The following CCK variants were observed in gnomAD, a reference collection of about 807,000 sequenced individuals.
The protein encoded by CCK is cholecystokinin triacontatriapeptide.
A neutral mutation model predicts 10.1 loss-of-function variants in CCK; 11 were observed. The observed-to-expected ratio is 1.09, with a 90% CI of 0.69 to 1.81. CCK has a LOEUF of 1.81. Ranked by LOEUF, CCK falls within the 40% of genes most tolerant of loss-of-function variation. The pLI, the probability that CCK is intolerant of heterozygous loss-of-function variation, is 0.00. For synonymous variants in CCK, 83 were observed against 71.9 expected, an observed-to-expected ratio of 1.15 and a Z score of -0.78; for missense variants, 137 against 159.9, an observed-to-expected ratio of 0.86 and a Z score of 0.77.
intron 4 of CCK, among the ~76,000 whole-genome samples, chr3:42,262,240 T>TTTA (rs1711226580): frequency 8.3e-6 from 1 of 119,878 alleles, no homozygotes; most frequent in South Asian, 2.9e-4. Context: ...TTTTTTTTTT[T>TTTA]AGACAGTTTC....
At chr3:42,263,659 G>A (rs1161629621) in intron 3 of CCK, 27 bp from the exon 4 acceptor site, 3 of 1,498,772 alleles carry the variant, frequency 2.0e-6, no homozygotes, top group African/African-American at 2.8e-5. Flanking sequence ...AGGAGGGCGC[G>A]TTAACTGAAA....
At chr3:42,262,479 C>T (rs181739799) in intron 4 of CCK, among the ~76,000 whole-genome samples, 1 of 152,150 alleles carries the variant, frequency 6.6e-6, no homozygotes, top group Non-Finnish European at 1.5e-5. Flanking sequence ...CTCAGCCCCC[C>T]AAAGTGCTGG....
rs189129947 is a variant in CCK, at chr3:42,260,116, C to T, written c.215-1885G>A. On this transcript the variant is annotated intron_variant, in intron 4 of 4. Transcript: ENST00000396169. Reference sequence around the variant, plus strand: ...TAAAAACAGAAACAACACAGAACAACGTCCCCACCCTTTCTCTCCCCAACC... The same window carrying T: ...TAAAAACAGAAACAACACAGAACAATGTCCCCACCCTTTCTCTCCCCAACC... 1.3e-3 allele frequency among the ~76,000 whole-genome samples: 202 copies of T among 152,302 alleles called. 3 individuals carry two copies. Among genetic ancestry groups the T allele is most frequent in the Non-Finnish European group, 5.6e-4 (38 of 68,026 alleles).
At position 42,264,686 on chromosome 3, in the gene CCK, G is replaced by C. The variant is rs770624588; in HGVS notation, c.-3+11C>G. 6.6e-6 allele frequency: 1 copy of C among 152,252 alleles called. No individual in the cohort carries two copies. Among genetic ancestry groups the C allele is most frequent in the Non-Finnish European group, 1.5e-5 (1 of 68,074 alleles). The allele number at this position is 152,252 out of a possible 1,614,324, so 9.4% of individuals were successfully genotyped here. A position where few individuals can be genotyped will look rare whatever the true frequency, so the allele number is the denominator to read the frequency against. ...CACTTGGATCCCCCGCTGACGAACCGAGGGACCTACCTTTTGGATTAGGAC... is the reference window on the plus strand; with the variant it reads ...CACTTGGATCCCCCGCTGACGAACCCAGGGACCTACCTTTTGGATTAGGAC... On this transcript the variant is annotated intron_variant, in intron 3 of 4. Transcript: ENST00000396169.
At chr3:42,265,488 G>A (rs1032440730) in intron 1 of CCK, 51 bp from the exon 2 acceptor site, 1 of 152,172 alleles carries the variant, frequency 6.6e-6, no homozygotes, top group Non-Finnish European at 1.5e-5. Flanking sequence ...AATCCGGTTT[G>A]GGAAAGGGAT....
chr3:42,265,814 G>C lies in CCK; in HGVS notation c.-513C>G, dbSNP rs1338841159. The C allele has an allele frequency of 1.3e-5, 2 of 152,274 alleles. No homozygotes were observed. The highest frequency in any genetic ancestry group is 2.9e-5 in the Non-Finnish European group (2 of 68,094). 9.4% of individuals were successfully genotyped at this position (152,274 alleles called of 1,614,324 possible). A position where few individuals can be genotyped will look rare whatever the true frequency, so the allele number is the denominator to read the frequency against. ...TGCACGCGGTTACTCTCCCGGCTCC[G>C]GAGCGGGCCGACCTGGAGCCCCTCA... is the stretch of plus-strand genomic sequence containing the variant. On this transcript the variant is annotated 5_prime_UTR_variant, in exon 1 of 5. Coordinates refer to ENST00000396169, the MANE Select transcript of CCK (RefSeq NM_000729.6).
intron 4 of CCK, among the ~76,000 whole-genome samples, chr3:42,258,709 A>T (rs1037736792): frequency 6.6e-6 from 1 of 152,130 alleles, no homozygotes; most frequent in Non-Finnish European, 1.5e-5. Context: ...AGGTGGCACA[A>T]TTATAATATC....
chr3:42,265,671 C>T lies in CCK; in HGVS notation c.-383+13G>A, dbSNP rs186434008. 611 of 152,518 alleles carry T rather than the reference C, an allele frequency of 4.0e-3. 4 individuals are homozygous for T. Among genetic ancestry groups the T allele is most frequent in the Middle Eastern group, 0.03 (9 of 296 alleles). The allele number at this position is 152,518 out of a possible 1,614,324, so 9.4% of individuals were successfully genotyped here. A position where few individuals can be genotyped will look rare whatever the true frequency, so the allele number is the denominator to read the frequency against. ...TCCTGAGGGCCCACACACTCACACC[C>T]CCAGGACAGTACCTTCCAGAACTCA... is the stretch of plus-strand genomic sequence containing the variant. On this transcript the variant is annotated intron_variant, in intron 1 of 4. Coordinates refer to ENST00000396169, the MANE Select transcript of CCK (RefSeq NM_000729.6).
intron 4 of CCK, among the ~76,000 whole-genome samples, chr3:42,259,240 T>C (rs2149570445): frequency 6.6e-6 from 1 of 152,168 alleles, no homozygotes; most frequent in South Asian, 2.1e-4. Context: ...TTAGGGGAAA[T>C]ACCTAATGTA....
chr3:42,259,565 G>T (rs932849871), intron 4 of CCK, among the ~76,000 whole-genome samples: 1 of 152,122 alleles, frequency 6.6e-6, no homozygotes, highest in Admixed American at 6.5e-5. Context: ...TCAAAGAAGG[G>T]GGGGAGAGAG....
At position 42,263,415 on chromosome 3, in the gene CCK, A is replaced by T. The variant is rs780757604; in HGVS notation, c.214+2T>A. ...TGAGGGATGGGGAGGCAGCATTCTTACCTTTCCGGGCCTGCTGGATGTATC... is the reference window on the plus strand; with the variant it reads ...TGAGGGATGGGGAGGCAGCATTCTTTCCTTTCCGGGCCTGCTGGATGTATC... On this transcript the variant is annotated splice_donor_variant, in intron 4 of 4. Transcript: ENST00000396169. LOFTEE classifies it high-confidence loss of function. The T allele has an allele frequency of 6.2e-7, 1 of 1,614,042 alleles. No homozygotes were observed. The highest frequency in any genetic ancestry group is 2.2e-5 in the East Asian group (1 of 44,860).
intron 4 of CCK, 144 bp from the exon 5 acceptor site, chr3:42,258,375 GA>G (rs1711168092): frequency 2.5e-6 from 2 of 790,470 alleles, no homozygotes; most frequent in Non-Finnish European, 3.9e-6. Context: ...CAAAGTAGTG[GA>G]ACTGATGGAC....
chr3:42,261,113 C>G lies in CCK; in HGVS notation c.214+2304G>C, dbSNP rs373030504. On this transcript the variant is annotated intron_variant, in intron 4 of 4. Coordinates refer to ENST00000396169, the MANE Select transcript of CCK (RefSeq NM_000729.6). The stretch of plus-strand genomic sequence containing the variant: ...GCGCACACTAAATGCCTCTAGATAT[C>G]TTTACCCACTGCCCTCCAATAGAAT... Among the ~76,000 whole-genome samples the G allele has an allele frequency of 1.1e-4, 16 of 152,292 alleles. No individual in the cohort carries two copies. In the East Asian group the frequency reaches 1.4e-3, roughly 13 times the overall value.
At position 42,263,453 on chromosome 3, in the gene CCK, C is replaced by T; in HGVS notation, c.178G>A (p.Ala60Thr). The part of the protein sequence containing the change: ...TDGESRAHLG[A>T]LLARYIQQAR... Reference sequence around the variant, plus strand: ...TGCTGGATGTATCTTGCCAGCAGGGCGCCCAGGTGCGCTCGGGACTCGCCA... The same window carrying T: ...TGCTGGATGTATCTTGCCAGCAGGGTGCCCAGGTGCGCTCGGGACTCGCCA... Residue 60 changes from alanine to threonine, a missense_variant, in exon 4 of 5, where the codon GCC becomes ACC. Coordinates refer to ENST00000396169, the MANE Select transcript of CCK (RefSeq NM_000729.6). 1 of 1,614,144 alleles carries T rather than the reference C, an allele frequency of 6.2e-7. No homozygotes were observed.
At chr3:42,263,006 A>T (rs1711237446) in intron 4 of CCK, 3 of 305,058 alleles carry the variant, frequency 9.8e-6, no homozygotes, top group Non-Finnish European at 1.9e-5. Flanking sequence ...TTGTAGCCAG[A>T]TCTCAGGCAT....
chr3:42,261,057 T>C (rs1711203480), intron 4 of CCK, among the ~76,000 whole-genome samples: 1 of 152,184 alleles, frequency 6.6e-6, no homozygotes. Context: ...AATATAGATG[T>C]AGCATTGAAG....
intron 4 of CCK, among the ~76,000 whole-genome samples, chr3:42,261,608 C>CT (rs3073696): frequency 0.29 from 42,849 of 145,520 alleles, 7,402 homozygotes; most frequent in Non-Finnish European, 0.41. Flanking sequence ...TGGTAATGAG[C>CT]TTTTTTTTTT....
At chr3:42,264,174 T>G (rs180756252) in intron 3 of CCK, among the ~76,000 whole-genome samples, 1 of 152,130 alleles carries the variant, frequency 6.6e-6, no homozygotes, top group African/African-American at 2.4e-5. Context: ...TTTCTCAAAG[T>G]GTACGTGGGA....
chr3:42,263,082 C>A, intron 4 of CCK: 1 of 410,444 alleles, frequency 2.4e-6, no homozygotes, highest in Non-Finnish European at 4.6e-6. Flanking sequence ...CTCCAAGGTC[C>A]TTTGCGTTTT....
Sources: gnomAD v4.1 joint callset for allele counts (sites outside exome capture counted in the v4.1 genomes callset) on GRCh38, gnomAD v4.1.1 for gene constraint, MANE v1.5 for transcripts, NCBI Gene and HGNC (gene_info 2026-07-23, HGNC 2026-07-21) for gene names.